Variants in PLEKHH3 observed in about 807,000 individuals in gnomAD.
PLEKHH3 encodes the protein pleckstrin homology, MyTH4 and FERM domain containing H3, also known as pleckstrin homology domain-containing family H member 3.
PLEKHH3 carries 57 observed loss-of-function variants against 77.8 expected under a neutral mutation model. That is an observed-to-expected ratio of 0.73 (90% CI 0.59 to 0.91). The LOEUF (loss-of-function observed/expected upper bound fraction) is 0.91. PLEKHH3 is among the 40% of genes least tolerant of loss of function. The probability of loss-of-function intolerance (pLI) is 0.00; values close to 1 mark genes in which losing one functional copy is unlikely to be tolerated. For synonymous variants in PLEKHH3, 467 were observed against 504.8 expected (o/e 0.93, Z 1.00); for missense variants, 1,082 against 1,091.2 (o/e 0.99, Z 0.12).
rs1411278605 is a variant in PLEKHH3 at position 42,671,048 on chromosome 17, T to C, written c.1367A>G (p.Glu456Gly). 2 of 1,610,658 alleles carry C rather than the reference T, an allele frequency of 1.2e-6. No homozygotes were observed. Among genetic ancestry groups the C allele is most frequent in the Non-Finnish European group, 1.7e-6 (2 of 1,179,022 alleles). ...GAGGGTCCCCCCAGCCAGGGCTCGC[T>C]CCTGGGCCCCTCGCTGCTCGTACAG... The part of the protein sequence containing the change: ...FALYEQRGAQ[E>G]RALAGGTLVA... Residue 456 changes from glutamate (E) to glycine (G), a missense_variant, in exon 9 of 13, where the codon GAG (glutamate) becomes GGG (glycine). By Grantham distance (98) the Glu-to-Gly change is moderately conservative. Coordinates refer to ENST00000591022, the MANE Select transcript of PLEKHH3 (RefSeq NM_024927.5). The surrounding 1 kb of genome is among the most constrained non-coding windows in gnomAD (Gnocchi z 4.7).
At chr17:42,673,083 G>A (rs1308952179) in intron 6 of PLEKHH3, 93 bp downstream of exon 6, 3 of 1,412,930 alleles carry the variant, frequency 2.1e-6, no homozygotes, top group South Asian at 3.3e-5. Flanking sequence ...GGTCCATGAA[G>A]GATGCTTAGA....
In PLEKHH3 at chr17:42,671,944, G is replaced by A; in HGVS notation, c.1076+142C>T. ...TTGTAATTCATCCGCTCACAACTGC[G>A]ATAGGATCTTGTATCTCCCACAAAG... On this transcript the variant is annotated intron_variant, in intron 7 of 12. Transcript: ENST00000591022. The surrounding 1 kb of genome is among the most constrained non-coding windows in gnomAD (Gnocchi z 4.7). 4 of 728,906 alleles carry A rather than the reference G, an allele frequency of 5.5e-6. No individual in the cohort carries two copies. Among genetic ancestry groups the A allele is most frequent in the Non-Finnish European group, 8.6e-6 (4 of 465,100 alleles). The allele number at this position is 728,906 out of a possible 1,614,324, so 45.2% of individuals were successfully genotyped here.
intron 1 of PLEKHH3, chr17:42,674,805 G>T: frequency 5.0e-6 from 1 of 198,576 alleles, no homozygotes; most frequent in Non-Finnish European, 1.0e-5. Flanking sequence ...TGAAACAGGA[G>T]AGGTGAGCTC....
Position 42,671,139 on chromosome 17 carries a change from G to A in PLEKHH3, c.1285-9C>T, listed in dbSNP as rs1222768059. On this transcript the variant is annotated splice_polypyrimidine_tract_variant and intron_variant, in intron 8 of 12. Coordinates refer to ENST00000591022, the MANE Select transcript of PLEKHH3 (RefSeq NM_024927.5). The surrounding 1 kb of genome is among the most constrained non-coding windows in gnomAD (Gnocchi z 4.7). ...ACCAGCTCTCGAGCCACCTAGAAGA[G>A]GAGGGTGAGGGGAGACCACTCAGAG... 2 of 1,570,180 alleles carry A rather than the reference G, an allele frequency of 1.3e-6. No homozygotes were observed. The highest frequency in any genetic ancestry group is 2.3e-5 in the East Asian group (1 of 44,308).
chr17:42,668,391 T>G, intron 12 of PLEKHH3, 88 bp from the exon 13 acceptor site: 1 of 1,232,534 alleles, frequency 8.1e-7, no homozygotes. Flanking sequence ...GGGCTCCAGC[T>G]TCCCCACCAG....
At chr17:42,675,901 C>T in intron 1 of PLEKHH3, 2 of 1,008,760 alleles carry the variant, frequency 2.0e-6, no homozygotes, top group Non-Finnish European at 2.4e-6. Flanking sequence ...GAGCTCCCAC[C>T]TCCCTCTCCT....
chr17:42,674,370 C>A lies in PLEKHH3; in HGVS notation c.202G>T (p.Gly68Trp). ...EVTLTQPVRS[G>W]PVSNRLQSWE... ...GTAGCTCACCTGTTGGAGACAGGCC[C>A]GCTCCTCACTGGCTGAGTCAGCGTC... The change falls in exon 2 of 13, where the codon GGG (glycine) becomes TGG (tryptophan). Residue 68 changes from glycine (G) to tryptophan (W), a missense_variant. By Grantham distance (184) the Gly-to-Trp change is radical. This residue lies in a region of PLEKHH3 where 344 missense variants were observed against 320.8 expected (regional missense o/e 1.07). Transcript: ENST00000591022. 6.3e-7 allele frequency: 1 copy of A among 1,591,308 alleles called. No homozygotes were observed. Among genetic ancestry groups the A allele is most frequent in the Non-Finnish European group, 8.5e-7 (1 of 1,169,962 alleles).
intron 11 of PLEKHH3, 55 bp downstream of exon 11, chr17:42,669,863 G>A: frequency 6.3e-7 from 1 of 1,598,724 alleles, no homozygotes; most frequent in Non-Finnish European, 8.5e-7. Context: ...GTGGCTCTGG[G>A]GCAAAGGTGT....
intron 1 of PLEKHH3, 112 bp from the exon 2 acceptor site, chr17:42,674,521 G>C (rs1195817505): frequency 1.0e-6 from 1 of 962,548 alleles, no homozygotes; most frequent in African/African-American, 1.7e-5. Flanking sequence ...AGGAGTCACA[G>C]AGTGGGGTCG....
intron 11 of PLEKHH3, 67 bp from the exon 12 acceptor site, chr17:42,669,688 G>T: frequency 6.6e-7 from 1 of 1,514,056 alleles, no homozygotes; most frequent in East Asian, 2.4e-5. Context: ...AGGGGGAGAT[G>T]GGTGTCTGTG....
chr17:42,675,369 C>T (rs944805220), intron 1 of PLEKHH3, among the ~76,000 whole-genome samples: 1 of 152,124 alleles, frequency 6.6e-6, no homozygotes, highest in African/African-American at 2.4e-5. Flanking sequence ...AGCTTGGGGA[C>T]GCCTGGGTCC....
intron 12 of PLEKHH3, chr17:42,668,588 G>T: frequency 5.0e-6 from 1 of 201,276 alleles, no homozygotes; most frequent in Non-Finnish European, 1.0e-5. Flanking sequence ...CTCCTGAGTA[G>T]CTGGGACTAC....
intron 6 of PLEKHH3, among the ~76,000 whole-genome samples, 179 bp from the exon 7 acceptor site, chr17:42,672,571 C>T (rs777273436): frequency 6.6e-6 from 1 of 152,132 alleles, no homozygotes; most frequent in Admixed American, 6.5e-5. Context: ...GAGCCAGACT[C>T]TCAACCTCTG....
Position 42,671,483 on chromosome 17 carries a change from G to A in PLEKHH3, c.1152C>T (p.Arg384=). 1 of 1,613,058 alleles carries A rather than the reference G, an allele frequency of 6.2e-7. No homozygotes were observed. Among genetic ancestry groups the A allele is most frequent in the Non-Finnish European group, 8.5e-7 (1 of 1,179,978 alleles). The change falls in exon 8 of 13, where the codon CGC becomes CGT. Residue 384 remains arginine, a synonymous_variant. Coordinates refer to ENST00000591022, the MANE Select transcript of PLEKHH3 (RefSeq NM_024927.5). This position sits in a 1 kb window ranked among gnomAD's most constrained non-coding sequence, Gnocchi z 4.7. Reference sequence around the variant, plus strand: ...CCAGCGAGGGCACCAGCTCTCTGCCGCGCGTCCGGCCCAGCGCTTTCCGGA... The same window carrying A: ...CCAGCGAGGGCACCAGCTCTCTGCCACGCGTCCGGCCCAGCGCTTTCCGGA... ...RFIRKALGRT[R]GRELVPSLAE... is the part of the protein sequence containing the mutation.
intron 6 of PLEKHH3, 57 bp from the exon 7 acceptor site, chr17:42,672,449 T>G: frequency 7.1e-7 from 1 of 1,409,704 alleles, no homozygotes; most frequent in South Asian, 1.4e-5. Context: ...AGCTGCGCCC[T>G]GGGAGGAAGG....
chr17:42,674,841 C>T (rs975324973), intron 1 of PLEKHH3: 4 of 173,458 alleles, frequency 2.3e-5, no homozygotes, highest in African/African-American at 9.4e-5. Flanking sequence ...AAGGCACCCT[C>T]TCCTCCTCAT....
In PLEKHH3 at chr17:42,676,653, G is replaced by A. The variant is rs2052835183; in HGVS notation, c.-90C>T. The A allele has an allele frequency of 7.9e-7, 1 of 1,264,520 alleles. No individual in the cohort carries two copies. Among genetic ancestry groups the A allele is most frequent in the Non-Finnish European group, 1.1e-6 (1 of 901,714 alleles). 78.3% of individuals were successfully genotyped at this position (1,264,520 alleles called of 1,614,324 possible). A position where few individuals can be genotyped will look rare whatever the true frequency, so the allele number is the denominator to read the frequency against. ...CTGGCGGGGCTCCGACCCGAGCAGG[G>A]GAAAGATGAGGTGGGAGGAGCAGAA... On this transcript the variant is annotated 5_prime_UTR_variant, in exon 1 of 13. Coordinates refer to ENST00000591022, the MANE Select transcript of PLEKHH3 (RefSeq NM_024927.5). This position sits in a 1 kb window ranked among gnomAD's most constrained non-coding sequence, Gnocchi z 6.6.
Position 42,673,696 on chromosome 17 carries a change from A to C in PLEKHH3, c.437T>G (p.Val146Gly). The C allele has an allele frequency of 1.2e-6, 2 of 1,602,034 alleles. No homozygotes were observed. The highest frequency in any genetic ancestry group is 8.5e-7 in the Non-Finnish European group (1 of 1,179,884). ...GKGARRLGSL[V>G]LTSLCSVTGP... ...GGTCACCGAGCACAGGCTGGTGAGC[A>C]CGAGGCTCCCGAGACGCCGCGCCCC... Residue 146 changes from valine (V) to glycine (G), a missense_variant, in exon 4 of 13, where the codon GTG (valine) becomes GGG (glycine). Val to Gly is a moderately radical substitution (Grantham distance 109). Around this residue, in one of 3 missense-constraint regions of PLEKHH3, gnomAD observed 344 missense variants for 320.8 expected, o/e 1.07. Transcript: ENST00000591022.
intron 1 of PLEKHH3, 44 bp from the exon 2 acceptor site, chr17:42,674,453 T>G: frequency 6.6e-7 from 1 of 1,524,432 alleles, no homozygotes; most frequent in Non-Finnish European, 8.8e-7. Context: ...GAGCCCTTCC[T>G]GCGCAAGGTT....
Sources: allele counts gnomAD v4.1 joint callset (sites outside exome capture counted in the v4.1 genomes callset), GRCh38; gene constraint gnomAD v4.1.1; regional missense constraint gnomAD v4.1.1; non-coding constraint Gnocchi (gnomAD v3.1); transcripts MANE v1.5; gene names NCBI Gene and HGNC (gene_info 2026-07-23, HGNC 2026-07-21).